NUP133: variants seen among roughly 807,000 people sequenced by gnomAD.
NUP133 encodes the protein nuclear pore complex protein Nup133.
Under a neutral mutation model 146.2 loss-of-function variants are expected in NUP133, and 66 were observed. The observed-to-expected ratio is 0.45, with a 90% confidence interval of 0.37 to 0.55. The LOEUF is 0.55. Ranked by LOEUF, NUP133 falls within the 20% of genes least tolerant of loss-of-function variation. NUP133 has a pLI of 0.00. For missense variants in NUP133, 1,277 were observed against 1,374.8 expected, an observed-to-expected ratio of 0.93 and a Z score of 1.12; for synonymous variants, 521 against 498.8, an observed-to-expected ratio of 1.04 and a Z score of -0.59.
rs556265627 is a variant in NUP133, at chr1:229,508,330, C to T, written c.-81G>A. On this transcript the variant is annotated 5_prime_UTR_variant, in exon 1 of 26. Transcript: ENST00000261396. ...TGGCCTGCGCGCGGAACTTAAACAC[C>T]TAAGGGAAGAGATGGCGCGCGATGA... 1.8e-6 allele frequency: 2 copies of T among 1,097,218 alleles called. No individual in the cohort carries two copies. Among genetic ancestry groups the T allele is most frequent in the South Asian group, 2.2e-5 (1 of 45,960 alleles). 68.0% of individuals were successfully genotyped at this position (1,097,218 alleles called of 1,614,324 possible).
chr1:229,449,573 G>A (rs1660395992), intron 23 of NUP133, among the ~76,000 whole-genome samples: 1 of 151,690 alleles, frequency 6.6e-6, no homozygotes, highest in Non-Finnish European at 1.5e-5. Context: ...GTTTCAGCAT[G>A]TTGGCCAGAC....
At chr1:229,449,046 T>C (rs1464703019) in intron 24 of NUP133, 80 bp downstream of exon 24, 1 of 1,064,530 alleles carries the variant, frequency 9.4e-7, no homozygotes. Flanking sequence ...AGAAGTCTTC[T>C]GTTATTGACT....
At chr1:229,506,696 CA>C (rs1661947885) in intron 1 of NUP133, among the ~76,000 whole-genome samples, 1 of 151,582 alleles carries the variant, frequency 6.6e-6, no homozygotes, top group Non-Finnish European at 1.5e-5. Flanking sequence ...TGCTTGAGAC[CA>C]GGAGTTCAAG....
chr1:229,490,173 A>T, intron 8 of NUP133, 71 bp from the exon 9 acceptor site: 1 of 1,292,522 alleles, frequency 7.7e-7, no homozygotes, highest in Non-Finnish European at 1.0e-6. Context: ...AAAATTAAAC[A>T]TATGCTTCCA....
chr1:229,475,257 C>A (rs1168270545), intron 14 of NUP133, among the ~76,000 whole-genome samples: 1 of 152,088 alleles, frequency 6.6e-6, no homozygotes, highest in Non-Finnish European at 1.5e-5. Flanking sequence ...AAAACATTTT[C>A]TAATTTAGGC....
intron 9 of NUP133, among the ~76,000 whole-genome samples, chr1:229,489,038 T>G (rs1661437216): frequency 6.6e-6 from 1 of 152,220 alleles, no homozygotes; most frequent in South Asian, 2.1e-4. Flanking sequence ...TACAGAACAC[T>G]GCTGAATACA....
chr1:229,473,263 CA>C (rs1368845253), intron 14 of NUP133, among the ~76,000 whole-genome samples: 1 of 151,650 alleles, frequency 6.6e-6, no homozygotes, highest in Non-Finnish European at 1.5e-5. Flanking sequence ...AAAAAACACA[CA>C]AAAAAAACTT....
In NUP133 at chr1:229,449,189, T is replaced by C. The variant is rs1450613670; in HGVS notation, c.3182A>G (p.Glu1061Gly). The C allele has an allele frequency of 6.2e-7, 1 of 1,601,296 alleles. No homozygotes were observed. Among genetic ancestry groups the C allele is most frequent in the Admixed American group, 1.7e-5 (1 of 59,250 alleles). ...TAGATCATTTATATTTATATCTTCT[T>C]CCTTCACAGCAAAACAAAAAAAATC... The part of the protein sequence containing the change: ...ALDLLEYIDE[E>G]EDININDLKL... Residue 1061 changes from glutamate to glycine, a missense_variant and splice_region_variant, in exon 24 of 26, where the codon GAA becomes GGA. Coordinates refer to ENST00000261396, the MANE Select transcript of NUP133 (RefSeq NM_018230.3).
chr1:229,470,113 T>C (rs1044745518), intron 15 of NUP133, among the ~76,000 whole-genome samples: 1 of 151,932 alleles, frequency 6.6e-6, no homozygotes, highest in Admixed American at 6.6e-5. Flanking sequence ...TCCCAGCACT[T>C]TGGGAGGCTG....
intron 1 of NUP133, 116 bp downstream of exon 1, chr1:229,507,952 T>C (rs992952330): frequency 1.2e-5 from 15 of 1,290,852 alleles, no homozygotes; most frequent in South Asian, 2.6e-5. Context: ...TTTCCAATAC[T>C]GTGGCATTCT....
At chr1:229,487,908 A>G (rs1488335313) in intron 9 of NUP133, among the ~76,000 whole-genome samples, 1 of 146,418 alleles carries the variant, frequency 6.8e-6, no homozygotes, top group East Asian at 2.0e-4. Context: ...TAGTGGTGCA[A>G]TCTTGGCTCT....
At chr1:229,442,122 C>A in intron 25 of NUP133, 82 bp from the exon 26 acceptor site, 9 of 1,322,902 alleles carry the variant, frequency 6.8e-6, no homozygotes, top group Non-Finnish European at 9.3e-6. Flanking sequence ...ACAAAAGCAC[C>A]TGTGCTTCTA....
intron 2 of NUP133, among the ~76,000 whole-genome samples, chr1:229,504,645 C>A (rs1164296733): frequency 6.6e-6 from 1 of 152,166 alleles, no homozygotes; most frequent in Non-Finnish European, 1.5e-5. Context: ...TTATTAAACC[C>A]AATAACATGA....
intron 2 of NUP133, 109 bp from the exon 3 acceptor site, chr1:229,502,211 C>G: frequency 1.4e-6 from 1 of 732,132 alleles, no homozygotes; most frequent in Non-Finnish European, 2.3e-6. Context: ...TACCTCACAA[C>G]AAATACTTTT....
intron 25 of NUP133, among the ~76,000 whole-genome samples, chr1:229,442,583 A>G (rs1660207769): frequency 6.6e-6 from 1 of 152,174 alleles, no homozygotes; most frequent in Admixed American, 6.5e-5. Context: ...ACAAATAGAG[A>G]AAACTGGATG....
intron 5 of NUP133, chr1:229,499,052 C>T: frequency 2.5e-6 from 1 of 405,950 alleles, no homozygotes; most frequent in Non-Finnish European, 5.0e-6. Flanking sequence ...GCACACACCA[C>T]TATGCCCAGA....
intron 12 of NUP133, among the ~76,000 whole-genome samples, chr1:229,479,271 T>C (rs769270216): frequency 4.6e-5 from 7 of 152,176 alleles, no homozygotes; most frequent in Non-Finnish European, 1.0e-4. Context: ...CTGATCCGCA[T>C]TTGGTTGAAA....
intron 19 of NUP133, among the ~76,000 whole-genome samples, chr1:229,461,897 T>C (rs1421562576): frequency 6.6e-6 from 1 of 152,220 alleles, no homozygotes; most frequent in Non-Finnish European, 1.5e-5. Flanking sequence ...CTTTTTTTTT[T>C]TTTTGAGACG....
intron 20 of NUP133, among the ~76,000 whole-genome samples, chr1:229,459,379 ATCT>A (rs1248315531): frequency 1.3e-5 from 2 of 152,144 alleles, no homozygotes; most frequent in East Asian, 3.9e-4. Flanking sequence ...AATAAAAATA[ATCT>A]TCTTCCTTCT....
Sources: allele counts gnomAD v4.1 joint callset (sites outside exome capture counted in the v4.1 genomes callset), GRCh38; gene constraint gnomAD v4.1.1; transcripts MANE v1.5; gene names NCBI Gene and HGNC (gene_info 2026-07-23, HGNC 2026-07-21).